The following IL12RB2 variants were observed in gnomAD, a reference collection of about 807,000 sequenced individuals.
IL12RB2 encodes interleukin 12 receptor subunit beta 2, also known as interleukin-12 receptor subunit beta-2.
Under a neutral mutation model 89.4 loss-of-function variants are expected in IL12RB2, and 82 were observed. The ratio of observed to expected loss-of-function variants is 0.92; its 90% CI spans 0.77 to 1.10. IL12RB2 has a LOEUF of 1.10. IL12RB2 is among the 50% of genes least tolerant of loss of function. The pLI is 0.00. For missense variants in IL12RB2, 963 were observed against 1,031.9 expected, an observed-to-expected ratio of 0.93 and a Z score of 0.92; for synonymous variants, 368 against 370.1, an observed-to-expected ratio of 0.99 and a Z score of 0.07.
chr1:67,383,193 G>T (rs924484850), intron 14 of IL12RB2, among the ~76,000 whole-genome samples: 10 of 152,102 alleles, frequency 6.6e-5, no homozygotes, highest in Admixed American at 6.6e-4. Flanking sequence ...AGAGCCAAGT[G>T]GGGGAAAGGC....
At chr1:67,313,471 G>T (rs910937174) in intron 1 of IL12RB2, among the ~76,000 whole-genome samples, 4 of 152,120 alleles carry the variant, frequency 2.6e-5, no homozygotes, top group Admixed American at 6.5e-5. Flanking sequence ...TTAGTATTAT[G>T]CTGCTACTGT....
At chr1:67,384,195 T>C (rs1422089499) in intron 14 of IL12RB2, among the ~76,000 whole-genome samples, 2 of 152,260 alleles carry the variant, frequency 1.3e-5, no homozygotes, top group Admixed American at 1.3e-4. Context: ...AACTTCTGCC[T>C]GGGCATCCAG....
At chr1:67,320,550 T>C in intron 3 of IL12RB2, 106 bp downstream of exon 3, 1 of 1,577,268 alleles carries the variant, frequency 6.3e-7, no homozygotes, top group Middle Eastern at 2.3e-4. Flanking sequence ...TGGTCTTTTG[T>C]AGTCAATCTC....
chr1:67,323,141 G>GATAT (rs61052076), intron 4 of IL12RB2, among the ~76,000 whole-genome samples: 8,541 of 151,598 alleles, frequency 0.056, 802 homozygotes, highest in African/African-American at 0.2. Flanking sequence ...GACCTATAAG[G>GATAT]ATATATATAT....
chr1:67,390,049 C>A lies in IL12RB2; in HGVS notation c.1967C>A (p.Ala656Asp), dbSNP rs1665636179. 7.6e-7 allele frequency: 1 copy of A among 1,313,492 alleles called. No homozygotes were observed. Among genetic ancestry groups the A allele is most frequent in the Non-Finnish European group, 1.1e-6 (1 of 905,264 alleles). 81.4% of individuals were successfully genotyped at this position (1,313,492 alleles called of 1,614,324 possible). The change falls in exon 16 of 17, where the codon GCC (alanine) becomes GAC (aspartate). Residue 656 changes from alanine (A) to aspartate (D), a missense_variant. By Grantham distance (126) the Ala-to-Asp change is moderately radical. Coordinates refer to ENST00000674203, the MANE Select transcript of IL12RB2 (RefSeq NM_001374259.2). Reference protein sequence around the residue: ...FQQKVFVLLAALRPQWCSREI... With the variant: ...FQQKVFVLLADLRPQWCSREI... ...TATAGGGTGTTTGTTCTCCTAGCAG[C>A]CCTCAGACCTCAGTGGTGTAGCAGA...
chr1:67,358,174 G>T (rs1423900215), intron 10 of IL12RB2, among the ~76,000 whole-genome samples: 1 of 152,148 alleles, frequency 6.6e-6, no homozygotes, highest in East Asian at 1.9e-4. Context: ...CACTAGATAT[G>T]TCAATAACAA....
rs1654476961 is a variant in IL12RB2, at chr1:67,307,901, GC to G, written c.-188del. 1 of 151,970 alleles carries G rather than the reference GC, an allele frequency of 6.6e-6. No individual in the cohort carries two copies. The highest frequency in any genetic ancestry group is 2.4e-5 in the African/African-American group (1 of 41,402). 9.4% of individuals were successfully genotyped at this position (151,970 alleles called of 1,614,324 possible). ...GAGCGCGGAGAGCGCGACACGTGCGGCCCAGAGCACCGGGGCCACCCGGTCC... is the reference window on the plus strand; with the variant it reads ...GAGCGCGGAGAGCGCGACACGTGCGGCCAGAGCACCGGGGCCACCCGGTCC... On this transcript the variant is annotated 5_prime_UTR_variant, in exon 1 of 17. Transcript: ENST00000674203.
At chr1:67,394,734 CATAAGAA>C (rs1424209584) in intron 16 of IL12RB2, among the ~76,000 whole-genome samples, 1 of 152,158 alleles carries the variant, frequency 6.6e-6, no homozygotes, top group Non-Finnish European at 1.5e-5. Flanking sequence ...GGTTACCAGT[CATAAGAA>C]ATAACTAGCA....
At chr1:67,352,698 G>C (rs191371262) in intron 10 of IL12RB2, among the ~76,000 whole-genome samples, 3 of 152,290 alleles carry the variant, frequency 2.0e-5, no homozygotes, top group Admixed American at 1.3e-4. Flanking sequence ...TCAAATATAT[G>C]AAACTTTGGA....
At position 67,397,767 on chromosome 1, in the gene IL12RB2, C is replaced by T. The variant is rs1666451973; in HGVS notation, c.*1678C>T. ...AAATTCCTGTCAAGCCTGGGGTCCA[C>T]CCCGTACCCCTTCCCACATGAACGC... On this transcript the variant is annotated 3_prime_UTR_variant, in exon 17 of 17. Coordinates refer to ENST00000674203, the MANE Select transcript of IL12RB2 (RefSeq NM_001374259.2). Among the ~76,000 whole-genome samples the T allele has an allele frequency of 6.6e-6, 1 of 150,888 alleles. No individual in the cohort carries two copies. Among genetic ancestry groups the T allele is most frequent in the East Asian group, 1.9e-4 (1 of 5,200 alleles).
chr1:67,367,947 CTCCATCCAGGGGGTGACACACAGG>C lies in IL12RB2; in HGVS notation c.1385_1408del (p.His462_Val469del). Reference sequence around the variant, plus strand: ...GGAGTACGTGGTGGAATGGAGAGAGCTCCATCCAGGGGGTGACACACAGGTCCCTCTAAACTGGCTACGGAGTCG... The same window carrying C: ...GGAGTACGTGGTGGAATGGAGAGAGCTCCCTCTAAACTGGCTACGGAGTCG... On this transcript the variant is annotated inframe_deletion, in exon 11 of 17. Coordinates refer to ENST00000674203, the MANE Select transcript of IL12RB2 (RefSeq NM_001374259.2). The C allele has an allele frequency of 6.2e-7, 1 of 1,608,712 alleles. No individual in the cohort carries two copies. The highest frequency in any genetic ancestry group is 8.5e-7 in the Non-Finnish European group (1 of 1,175,052).
chr1:67,330,275 A>ATTT (rs1558307796), intron 7 of IL12RB2, among the ~76,000 whole-genome samples: 2,151 of 13,706 alleles, frequency 0.16, 63 homozygotes, highest in African/African-American at 0.17. Context: ...GGTTTTTTTA[A>ATTT]AAAAAAAAAA....
At chr1:67,349,838 CAA>C (rs1178662823) in intron 9 of IL12RB2, among the ~76,000 whole-genome samples, 14 of 152,134 alleles carry the variant, frequency 9.2e-5, no homozygotes, top group African/African-American at 3.1e-4. Flanking sequence ...TTTCAGAAGC[CAA>C]ATTATAATCA....
rs917138566 is a variant in IL12RB2, at chr1:67,341,464, G to A, written c.1038+2761G>A. On this transcript the variant is annotated intron_variant, in intron 9 of 16. Coordinates refer to ENST00000674203, the MANE Select transcript of IL12RB2 (RefSeq NM_001374259.2). ...GAAGGATGGAAGAGAGGGAGGGAAG[G>A]AGGGAAGGAAGGAGAAAGAGAAAAT... is the stretch of plus-strand genomic sequence containing the variant. Among the ~76,000 whole-genome samples, 6 of 99,150 alleles carry A rather than the reference G, an allele frequency of 6.1e-5. No homozygotes were observed. The East Asian group carries it at 1.5e-3, about 24-fold the overall frequency. The allele number at this position is 99,150 out of a possible 152,430, so 65.0% of individuals were successfully genotyped here. A position where few individuals can be genotyped will look rare whatever the true frequency, so the allele number is the denominator to read the frequency against.
intron 1 of IL12RB2, among the ~76,000 whole-genome samples, chr1:67,310,457 T>C (rs1425888411): frequency 6.6e-6 from 1 of 152,166 alleles, no homozygotes; most frequent in Non-Finnish European, 1.5e-5. Flanking sequence ...TCTTAAATGA[T>C]AGGTGGCATG....
intron 2 of IL12RB2, among the ~76,000 whole-genome samples, chr1:67,316,316 T>G (rs1052248209): frequency 6.6e-6 from 1 of 152,118 alleles, no homozygotes. Context: ...AACACTTCTT[T>G]CCATTGCCAC....
chr1:67,339,575 A>G (rs991457535), intron 9 of IL12RB2, among the ~76,000 whole-genome samples: 1 of 152,162 alleles, frequency 6.6e-6, no homozygotes, highest in African/African-American at 2.4e-5. Context: ...AAATTAGACA[A>G]CTTTCCAGAA....
chr1:67,317,203 G>A (rs1303857980), intron 2 of IL12RB2, among the ~76,000 whole-genome samples: 2 of 152,208 alleles, frequency 1.3e-5, no homozygotes, highest in Non-Finnish European at 2.9e-5. Context: ...AGTGTCAGCA[G>A]AGAGTGGTGG....
rs572505092 is a variant in IL12RB2 at position 67,338,336 on chromosome 1, CAAAAAAAAAAAAAAAAAAAA to C, written c.959-270_959-251del. On this transcript the variant is annotated intron_variant, in intron 8 of 16. Transcript: ENST00000674203. ...GAGGCAACAGAGCAAGATCCTGTCT[CAAAAAAAAAAAAAAAAAAAA>C]AAAAAAAAAAAAAAAAAGTAAGTTA... 5.0e-4 allele frequency among the ~76,000 whole-genome samples: 20 copies of C among 40,102 alleles called. No individual in the cohort carries two copies. In the South Asian group the frequency reaches 8.1e-3, roughly 16 times the overall value. 26.3% of individuals were successfully genotyped at this position (40,102 alleles called of 152,430 possible).
Sources: gnomAD v4.1 joint callset for allele counts (sites outside exome capture counted in the v4.1 genomes callset) on GRCh38, gnomAD v4.1.1 for gene constraint, MANE v1.5 for transcripts, NCBI Gene and HGNC (gene_info 2026-07-23, HGNC 2026-07-21) for gene names.